Variants in PPP2R5C observed in about 807,000 individuals in gnomAD.
The protein encoded by PPP2R5C is serine/threonine-protein phosphatase 2A 56 kDa regulatory subunit gamma isoform.
In PPP2R5C, 7 loss-of-function variants were observed where a neutral mutation model predicts 68.9. That is an observed-to-expected ratio of 0.10 (90% CI 0.06 to 0.19). The LOEUF is 0.19. PPP2R5C is among the 10% of genes least tolerant of loss of function. The probability of loss-of-function intolerance (pLI) is 1.00; values close to 1 mark genes in which losing one functional copy is unlikely to be tolerated. For missense variants in PPP2R5C, 348 were observed against 641.3 expected (o/e 0.54, Z 4.94); for synonymous variants, 210 against 222.2 (o/e 0.95, Z 0.49).
chr14:101,904,898 G>A (rs989782906), intron 9 of PPP2R5C, among the ~76,000 whole-genome samples: 4 of 152,218 alleles, frequency 2.6e-5, no homozygotes, highest in Admixed American at 2.0e-4. Context: ...TGACTGCCTC[G>A]AACTCCCAGA....
Position 101,906,470 on chromosome 14 carries a change from G to A in PPP2R5C, c.1092G>A (p.Ala364=), listed in dbSNP as rs765539730. The A allele has an allele frequency of 4.1e-5, 66 of 1,613,514 alleles. No individual in the cohort carries two copies. Among genetic ancestry groups the A allele is most frequent in the Middle Eastern group, 3.3e-4 (2 of 6,028 alleles). ...TGAGTTTAATCAGTGACAACGCAGC[G>A]AAGATTCTGCCCATCATGTTTCCTT... Residue 364 remains alanine, a synonymous_variant, in exon 10 of 14, where the codon GCG becomes GCA. Transcript: ENST00000334743. The surrounding 1 kb of genome is among the most constrained non-coding windows in gnomAD (Gnocchi z 4.0).
chr14:101,792,702 G>C (rs150366859), intron 3 of PPP2R5C, among the ~76,000 whole-genome samples: 3 of 152,294 alleles, frequency 2.0e-5, no homozygotes, highest in African/African-American at 7.2e-5. Flanking sequence ...CTGGTGTTCA[G>C]ATGGCATAAT....
intron 1 of PPP2R5C, among the ~76,000 whole-genome samples, chr14:101,822,079 G>GCCCCCCCCCCCC: frequency 2.8e-5 from 1 of 36,246 alleles, no homozygotes; most frequent in South Asian, 1.4e-3. Context: ...ACCACCCCCT[G>GCCCCCCCCCCCC]CCCCCCCCCC....
At chr14:101,817,615 C>T (rs2039800598) in intron 1 of PPP2R5C, among the ~76,000 whole-genome samples, 2 of 152,142 alleles carry the variant, frequency 1.3e-5, no homozygotes, top group South Asian at 2.1e-4. Context: ...AAGTTTCCTC[C>T]GCACTTTAAG....
At chr14:101,849,393 G>A (rs80121184) in intron 1 of PPP2R5C, among the ~76,000 whole-genome samples, 144 of 152,288 alleles carry the variant, frequency 9.5e-4, no homozygotes, top group Admixed American at 1.3e-3. Context: ...GGTGTTGTCC[G>A]TAGTGGTTTT....
chr14:101,786,690 A>G (rs536761918), intron 3 of PPP2R5C, among the ~76,000 whole-genome samples: 58 of 152,278 alleles, frequency 3.8e-4, no homozygotes, highest in African/African-American at 1.4e-3. Flanking sequence ...ATTAGGAAAA[A>G]GTGCTCTTTA....
At chr14:101,844,966 C>T (rs894853438) in intron 1 of PPP2R5C, among the ~76,000 whole-genome samples, 3 of 152,088 alleles carry the variant, frequency 2.0e-5, no homozygotes, top group Admixed American at 1.3e-4. Context: ...ACGGGCTGCA[C>T]GAAGGGTGTT....
intron 2 of PPP2R5C, among the ~76,000 whole-genome samples, chr14:101,777,938 A>ATT (rs997905839): frequency 2.7e-5 from 4 of 149,954 alleles, no homozygotes; most frequent in African/African-American, 9.8e-5. Context: ...ATACCTGGCT[A>ATT]TTTTTTTTTA....
chr14:101,878,650 C>T (rs944090999), intron 2 of PPP2R5C, among the ~76,000 whole-genome samples: 20 of 152,146 alleles, frequency 1.3e-4, no homozygotes, highest in Non-Finnish European at 2.5e-4. Flanking sequence ...GGACAGGCAG[C>T]GGGCACGAGA....
intron 1 of PPP2R5C, among the ~76,000 whole-genome samples, 200 bp from the exon 4 acceptor site, chr14:101,856,486 C>G (rs1289196085): frequency 6.6e-6 from 1 of 152,122 alleles, no homozygotes; most frequent in Non-Finnish European, 1.5e-5. Context: ...CTTCCTCATA[C>G]CAAACATATA....
At chr14:101,763,035 G>T (rs767744789) in intron 2 of PPP2R5C, 65 bp downstream of exon 2, 30 of 1,377,066 alleles carry the variant, frequency 2.2e-5, no homozygotes, top group Non-Finnish European at 3.0e-5. Context: ...TAGAAAAACC[G>T]AGAGTGATAA....
chr14:101,893,234 A>C, intron 7 of PPP2R5C, 126 bp downstream of exon 9: 1 of 592,192 alleles, frequency 1.7e-6, no homozygotes, highest in Non-Finnish European at 2.9e-6. Flanking sequence ...CTTTGGTAAC[A>C]AACTTCTGGT....
intron 13 of PPP2R5C, among the ~76,000 whole-genome samples, chr14:101,924,400 T>C (rs6575884): frequency 0.19 from 29,068 of 149,070 alleles, 4,761 homozygotes; most frequent in African/African-American, 0.43. Flanking sequence ...TTTAAATATG[T>C]TTTTTATTCA....
Position 101,856,662 on chromosome 14 carries a change from T to C in PPP2R5C, c.95-24T>C, listed in dbSNP as rs371086822. 3.8e-6 allele frequency: 6 copies of C among 1,599,362 alleles called. No homozygotes were observed. The African/African-American group carries it at 8.1e-5, about 21-fold the overall frequency. On this transcript the variant is annotated intron_variant, in intron 1 of 13. Coordinates refer to ENST00000334743, the Ensembl canonical transcript of PPP2R5C. ...TTGGGTTAAGCACTTTTGTGATCAATATACTTTGCTTTCTGCTTTTCAGAT... is the reference window on the plus strand; with the variant it reads ...TTGGGTTAAGCACTTTTGTGATCAACATACTTTGCTTTCTGCTTTTCAGAT...
rs1429650087 is a variant in PPP2R5C at position 101,916,547 on chromosome 14, C to T, written c.1327-1284C>T. ...ATGATGGCGTCCATGGTCATCATTC[C>T]TCAGAGAGGCCCAGTGAGGCAAGGC... On this transcript the variant is annotated intron_variant, in intron 12 of 13. Coordinates refer to ENST00000334743, the Ensembl canonical transcript of PPP2R5C. This position sits in a 1 kb window ranked among gnomAD's most constrained non-coding sequence, Gnocchi z 5.5. Among the ~76,000 whole-genome samples, 1 of 152,140 alleles carries T rather than the reference C, an allele frequency of 6.6e-6. No individual in the cohort carries two copies. Among genetic ancestry groups the T allele is most frequent in the African/African-American group, 2.4e-5 (1 of 41,420 alleles).
rs533621745 is a variant in PPP2R5C at position 101,853,262 on chromosome 14, A to T, written c.95-3424A>T. 5.3e-5 allele frequency among the ~76,000 whole-genome samples: 8 copies of T among 150,104 alleles called. No individual in the cohort carries two copies. The East Asian group carries it at 5.8e-4, about 11-fold the overall frequency. ...TTTTTTAAAACAGTAAAATTCTTTT[A>T]AAAAAAAAATAGTCAAATGAGATTT... On this transcript the variant is annotated intron_variant, in intron 1 of 13. Coordinates refer to ENST00000334743, the Ensembl canonical transcript of PPP2R5C.
chr14:101,889,845 A>G (rs146640695), intron 5 of PPP2R5C: 1 of 386,128 alleles, frequency 2.6e-6, no homozygotes, highest in East Asian at 7.1e-5. Context: ...TACAGCAAAA[A>G]CGTAAGATGG....
intron 5 of PPP2R5C, among the ~76,000 whole-genome samples, chr14:101,885,817 T>C (rs1423748424): frequency 6.6e-5 from 10 of 152,260 alleles, no homozygotes; most frequent in South Asian, 4.1e-4. Flanking sequence ...CCTGGTATAC[T>C]TATCTATGAA....
chr14:101,797,532 T>A lies in PPP2R5C; in HGVS notation c.259+11349T>A. 1 of 293,682 alleles carries A rather than the reference T, an allele frequency of 3.4e-6. No homozygotes were observed. Among genetic ancestry groups the A allele is most frequent in the Non-Finnish European group, 6.8e-6 (1 of 146,246 alleles). The allele number at this position is 293,682 out of a possible 1,614,324, so 18.2% of individuals were successfully genotyped here. A position where few individuals can be genotyped will look rare whatever the true frequency, so the allele number is the denominator to read the frequency against. The stretch of plus-strand genomic sequence containing the variant: ...ACCGAGATGGTTGTGGTGTCACCTC[T>A]CGTGGGGTGGCCAAAACCCCAGCCA... On this transcript the variant is annotated intron_variant, in intron 3 of 14. Transcript: ENST00000328724. This position sits in a 1 kb window ranked among gnomAD's most constrained non-coding sequence, Gnocchi z 4.2.
Sources: gnomAD v4.1 joint callset for allele counts (sites outside exome capture counted in the v4.1 genomes callset) on GRCh38, gnomAD v4.1.1 for gene constraint, Gnocchi (gnomAD v3.1) non-coding constraint, MANE v1.5 for transcripts, NCBI Gene and HGNC (gene_info 2026-07-23, HGNC 2026-07-21) for gene names.